DAOA: variants seen among roughly 807,000 people sequenced by gnomAD.
DAOA encodes the protein D-amino acid oxidase regulator.
A neutral mutation model predicts 16.4 loss-of-function variants in DAOA; 15 were observed. The observed-to-expected ratio is 0.91, with a 90% CI of 0.61 to 1.41. The LOEUF (loss-of-function observed/expected upper bound fraction) is 1.41, where lower values mean the gene tolerates loss of function less well. Ranked by LOEUF, DAOA falls within the 40% of genes most tolerant of loss-of-function variation. The pLI is 0.00. For missense variants in DAOA, 230 were observed against 176.8 expected (o/e 1.30, Z -1.71); for synonymous variants, 75 against 59.1 (o/e 1.27, Z -1.23).
intron 4 of DAOA, among the ~76,000 whole-genome samples, chr13:105,477,817 A>C (rs114914701): frequency 5.4e-4 from 82 of 152,330 alleles, no homozygotes; most frequent in African/African-American, 1.9e-3. Context: ...TTAATTCCTA[A>C]AAATAGGCAC....
intron 4 of DAOA, among the ~76,000 whole-genome samples, chr13:105,487,892 A>G (rs1220802125): frequency 6.6e-6 from 1 of 152,184 alleles, no homozygotes; most frequent in African/African-American, 2.4e-5. Flanking sequence ...GCAACATTTA[A>G]AAAGCCATTT....
At chr13:105,486,471 CTA>C (rs1185506033) in intron 4 of DAOA, among the ~76,000 whole-genome samples, 3 of 152,090 alleles carry the variant, frequency 2.0e-5, no homozygotes, top group Admixed American at 6.5e-5. Flanking sequence ...CCCCGTTGAC[CTA>C]TATAGTGTCA....
At position 105,484,420 on chromosome 13, in the gene DAOA, A is replaced by C. The variant is rs1464384210; in HGVS notation, c.282-5481A>C. On this transcript the variant is annotated intron_variant, in intron 4 of 5. Coordinates refer to ENST00000375936, the MANE Select transcript of DAOA (RefSeq NM_172370.5). The stretch of plus-strand genomic sequence containing the variant: ...ATAGATGAATTTGGGGACAACTGAC[A>C]TCTTAAGAATATTATCTTCCAACCC... Among the ~76,000 whole-genome samples, 5 of 152,170 alleles carry C rather than the reference A, an allele frequency of 3.3e-5. No homozygotes were observed. The South Asian group carries it at 6.2e-4, about 19-fold the overall frequency.
rs1876523556 is a variant in DAOA at position 105,466,457 on chromosome 13, C to T, written c.44+125C>T. On this transcript the variant is annotated intron_variant, in intron 2 of 5. Coordinates refer to ENST00000375936, the MANE Select transcript of DAOA (RefSeq NM_172370.5). ...AAGTGGAACATGTCAGGGTTGGAAG[C>T]CTGAGCCCAGTATATGGTTCAGCCT... The T allele has an allele frequency of 3.3e-6, 5 of 1,506,066 alleles. No individual in the cohort carries two copies. In the East Asian group the frequency reaches 9.1e-5, roughly 27 times the overall value. 93.3% of individuals were successfully genotyped at this position (1,506,066 alleles called of 1,614,324 possible). A position where few individuals can be genotyped will look rare whatever the true frequency, so the allele number is the denominator to read the frequency against.
At chr13:105,476,473 G>C (rs1207036295) in intron 4 of DAOA, among the ~76,000 whole-genome samples, 1 of 139,708 alleles carries the variant, frequency 7.2e-6, no homozygotes, top group African/African-American at 2.7e-5. Context: ...GTTATAAAAC[G>C]TTCACTTGTA....
intron 4 of DAOA, among the ~76,000 whole-genome samples, chr13:105,481,149 T>A (rs1877718343): frequency 6.6e-6 from 1 of 152,180 alleles, no homozygotes; most frequent in South Asian, 2.1e-4. Context: ...CTTGGAAACA[T>A]ATTAATTGGG....
rs1240973271 is a variant in DAOA at position 105,489,995 on chromosome 13, C to G, written c.376C>G (p.Leu126Val). 4.3e-6 allele frequency: 7 copies of G among 1,613,010 alleles called. No individual in the cohort carries two copies. Among genetic ancestry groups the G allele is most frequent in the African/African-American group, 1.3e-5 (1 of 74,862 alleles). The part of the protein sequence containing the change: ...YEASKDRRQP[L>V]ERMWTCNYNQ... ...GGCCTCTAAGGACCGCAGGCAGCCT[C>G]TAGAACGAATGTGGACCTGCAACTA... is the stretch of plus-strand genomic sequence containing the variant. The change falls in exon 5 of 6, where the codon CTA becomes GTA. Residue 126 changes from leucine (L) to valine (V), a missense_variant. By Grantham distance (32) the Leu-to-Val change is conservative (BLOSUM62 1). Transcript: ENST00000375936.
chr13:105,479,232 C>G (rs1271659392), intron 4 of DAOA, among the ~76,000 whole-genome samples: 1 of 152,074 alleles, frequency 6.6e-6, no homozygotes, highest in East Asian at 1.9e-4. Context: ...TTTTGCCAAT[C>G]ACAATAAAAG....
At chr13:105,477,852 C>A (rs907145188) in intron 4 of DAOA, among the ~76,000 whole-genome samples, 2 of 152,130 alleles carry the variant, frequency 1.3e-5, no homozygotes, top group African/African-American at 4.8e-5. Flanking sequence ...AATAGAATAT[C>A]ATGAGAGTCA....
At chr13:105,479,485 G>A (rs1187703759) in intron 4 of DAOA, among the ~76,000 whole-genome samples, 1 of 152,154 alleles carries the variant, frequency 6.6e-6, no homozygotes, top group African/African-American at 2.4e-5. Context: ...ACACAGGCTG[G>A]TTCCCACTGG....
At chr13:105,470,014 A>G (rs755756736) in intron 3 of DAOA, among the ~76,000 whole-genome samples, 1 of 150,564 alleles carries the variant, frequency 6.6e-6, no homozygotes, top group Non-Finnish European at 1.5e-5. Context: ...CAGCTAATGG[A>G]TTTTTACTTG....
Position 105,475,981 on chromosome 13 carries a change from C to CAT in DAOA, c.281+3306_281+3307dup, listed in dbSNP as rs951091759. On this transcript the variant is annotated intron_variant, in intron 4 of 5. Transcript: ENST00000375936. ...CACTAAATTTTTATGAATGCACACA[C>CAT]ATATATATATACCCACATTTTTAAA... Among the ~76,000 whole-genome samples, 64 of 151,982 alleles carry CAT rather than the reference C, an allele frequency of 4.2e-4. No homozygotes were observed. The South Asian group carries it at 7.3e-3, about 17-fold the overall frequency.
intron 4 of DAOA, among the ~76,000 whole-genome samples, chr13:105,481,250 A>G (rs1330478152): frequency 6.6e-6 from 1 of 152,140 alleles, no homozygotes; most frequent in Non-Finnish European, 1.5e-5. Flanking sequence ...AAAATAGTTG[A>G]ACTAAAGTAT....
intron 4 of DAOA, among the ~76,000 whole-genome samples, chr13:105,480,296 T>C (rs1194767123): frequency 6.6e-6 from 1 of 152,130 alleles, no homozygotes; most frequent in African/African-American, 2.4e-5. Flanking sequence ...AAATGAGCTG[T>C]GTGAACTAGC....
At chr13:105,470,527 A>G (rs957760412) in intron 3 of DAOA, among the ~76,000 whole-genome samples, 3 of 152,220 alleles carry the variant, frequency 2.0e-5, no homozygotes, top group Admixed American at 2.0e-4. Flanking sequence ...TAAAAGCACA[A>G]TTATTTTAGA....
intron 4 of DAOA, among the ~76,000 whole-genome samples, chr13:105,486,029 T>C (rs540320228): frequency 6.6e-6 from 1 of 152,286 alleles, no homozygotes; most frequent in South Asian, 2.1e-4. Context: ...CTTCAGCTCC[T>C]ATGTGCCACC....
rs536817696 is a variant in DAOA, at chr13:105,488,359, A to G, written c.282-1542A>G. On this transcript the variant is annotated intron_variant, in intron 4 of 5. Coordinates refer to ENST00000375936, the MANE Select transcript of DAOA (RefSeq NM_172370.5). The stretch of plus-strand genomic sequence containing the variant: ...AAAGATGAATGAAGCAAATCAAATT[A>G]TTAACGTGATTATAATCTTTTTCAT... Among the ~76,000 whole-genome samples the G allele has an allele frequency of 4.6e-5, 7 of 152,348 alleles. No homozygotes were observed. The South Asian group carries it at 1.4e-3, about 32-fold the overall frequency.
At position 105,479,194 on chromosome 13, in the gene DAOA, G is replaced by A. The variant is rs530675943; in HGVS notation, c.281+6509G>A. ...CAAGTACATAGCTTTGTTTCTGTTC[G>A]TATTGTTTCTTGGTTTTTTCAAGGG... is the stretch of plus-strand genomic sequence containing the variant. On this transcript the variant is annotated intron_variant, in intron 4 of 5. Coordinates refer to ENST00000375936, the MANE Select transcript of DAOA (RefSeq NM_172370.5). 1.3e-4 allele frequency among the ~76,000 whole-genome samples: 20 copies of A among 152,156 alleles called. No individual in the cohort carries two copies. The East Asian group carries it at 1.6e-3, about 12-fold the overall frequency.
At chr13:105,484,325 G>T (rs188414149) in intron 4 of DAOA, among the ~76,000 whole-genome samples, 1 of 151,786 alleles carries the variant, frequency 6.6e-6, no homozygotes, top group Non-Finnish European at 1.5e-5. Flanking sequence ...ATTCTTTTGC[G>T]TTTACATAGG....
Sources: allele counts gnomAD v4.1 joint callset (sites outside exome capture counted in the v4.1 genomes callset), GRCh38; gene constraint gnomAD v4.1.1; transcripts MANE v1.5; gene names NCBI Gene and HGNC (gene_info 2026-07-23, HGNC 2026-07-21).